USP1: variants seen among roughly 807,000 people sequenced by gnomAD.
The protein encoded by USP1 is ubiquitin specific peptidase 1.
Under a neutral mutation model 72.2 loss-of-function variants are expected in USP1, and 18 were observed. The ratio of observed to expected loss-of-function variants is 0.25; its 90% CI spans 0.17 to 0.37. USP1 has a LOEUF of 0.37. Among genes scored for constraint, USP1 ranks in the 10% least tolerant of loss-of-function variants. USP1 has a pLI of 1.00. For missense variants in USP1, 759 were observed against 884.9 expected (o/e 0.86, Z 1.81); for synonymous variants, 354 against 303.7 (o/e 1.17, Z -1.72).
chr1:62,446,798 C>CT (rs1244361324), intron 6 of USP1, among the ~76,000 whole-genome samples: 3 of 151,798 alleles, frequency 2.0e-5, no homozygotes, highest in Admixed American at 1.3e-4. Flanking sequence ...ATACAACTGA[C>CT]TTTTTTTTAT....
At chr1:62,440,729 A>G (rs753403042) in intron 2 of USP1, among the ~76,000 whole-genome samples, 4 of 152,218 alleles carry the variant, frequency 2.6e-5, no homozygotes, top group Non-Finnish European at 4.4e-5. Flanking sequence ...ATCAGCATTC[A>G]TACTTCTGAA....
chr1:62,440,050 C>T lies in USP1; in HGVS notation c.170+13C>T, dbSNP rs1645121769. On this transcript the variant is annotated intron_variant, in intron 2 of 8. Transcript: ENST00000339950. ...GAGCATCTGAAATGTATGTATCTTA[C>T]ATTTCTGTACTTTAAAAATTCTACA... is the stretch of plus-strand genomic sequence containing the variant. 5 of 1,422,978 alleles carry T rather than the reference C, an allele frequency of 3.5e-6. No individual in the cohort carries two copies. The highest frequency in any genetic ancestry group is 2.8e-5 in the Admixed American group (1 of 35,906). The allele number at this position is 1,422,978 out of a possible 1,614,324, so 88.1% of individuals were successfully genotyped here.
In USP1 at chr1:62,442,244, A is replaced by T; in HGVS notation, c.341A>T (p.Asn114Ile). The change falls in exon 4 of 9, where the codon AAT (asparagine) becomes ATT (isoleucine). Residue 114 changes from asparagine (N) to isoleucine (I), a missense_variant. Coordinates refer to ENST00000339950, the MANE Select transcript of USP1 (RefSeq NM_003368.5). ...AAATCTGGAGTAAAGCACTTATTTA[A>T]TATTATTTCAAGGAAGAAAGAAGCT... The part of the protein sequence containing the change: ...GFKSGVKHLF[N>I]IISRKKEALK... The T allele has an allele frequency of 6.2e-7, 1 of 1,606,492 alleles. No individual in the cohort carries two copies. The highest frequency in any genetic ancestry group is 8.5e-7 in the Non-Finnish European group (1 of 1,174,956).
At position 62,439,947 on chromosome 1, in the gene USP1, T is replaced by G; in HGVS notation, c.80T>G (p.Phe27Cys). The G allele has an allele frequency of 1.3e-6, 2 of 1,567,462 alleles. No individual in the cohort carries two copies. Among genetic ancestry groups the G allele is most frequent in the South Asian group, 1.2e-5 (1 of 81,788 alleles). The change falls in exon 2 of 9, where the codon TTT becomes TGT. Residue 27 changes from phenylalanine (F) to cysteine (C), a missense_variant. Coordinates refer to ENST00000339950, the MANE Select transcript of USP1 (RefSeq NM_003368.5). ...AAGAAAAACAGACTTTCCTTAAAGT[T>G]TTTTCAGAAAAAGGAAACTAAGAGA... ...PSKKNRLSLK[F>C]FQKKETKRAL...
In USP1 at chr1:62,451,018, C is replaced by T; in HGVS notation, c.*37C>T. The T allele has an allele frequency of 2.7e-6, 4 of 1,494,132 alleles. No homozygotes were observed. The highest frequency in any genetic ancestry group is 2.7e-6 in the Non-Finnish European group (3 of 1,125,302). 92.6% of individuals were successfully genotyped at this position (1,494,132 alleles called of 1,614,324 possible). A position where few individuals can be genotyped will look rare whatever the true frequency, so the allele number is the denominator to read the frequency against. ...TTTCCTTGTGTATATATTAAACACA[C>T]CCATACAAACATTGGTAAAGTTGAT... On this transcript the variant is annotated 3_prime_UTR_variant, in exon 9 of 9. Coordinates refer to ENST00000339950, the MANE Select transcript of USP1 (RefSeq NM_003368.5).
Position 62,445,524 on chromosome 1 carries a change from G to A in USP1, c.1249+95G>A, listed in dbSNP as rs1048006350. On this transcript the variant is annotated intron_variant, in intron 6 of 8. Transcript: ENST00000339950. The stretch of plus-strand genomic sequence containing the variant: ...AGATACATGTACAATATAATCTCTG[G>A]CTAAAATTGTTTCAAGAGAAGGAAA... 1.4e-5 allele frequency: 17 copies of A among 1,189,168 alleles called. No individual in the cohort carries two copies. The African/African-American group carries it at 2.2e-4, about 15-fold the overall frequency. The allele number at this position is 1,189,168 out of a possible 1,614,324, so 73.7% of individuals were successfully genotyped here. A position where few individuals can be genotyped will look rare whatever the true frequency, so the allele number is the denominator to read the frequency against.
Position 62,437,112 on chromosome 1 carries a change from C to A in USP1, c.-358C>A. 2.5e-6 allele frequency: 1 copy of A among 399,118 alleles called. No homozygotes were observed. 24.7% of individuals were successfully genotyped at this position (399,118 alleles called of 1,614,324 possible). Reference sequence around the variant, plus strand: ...AGACCCTAGCGGTTCAGGCGTTCGGCGAGCGGGGCCGCTGCTTGTTGCGCT... The same window carrying A: ...AGACCCTAGCGGTTCAGGCGTTCGGAGAGCGGGGCCGCTGCTTGTTGCGCT... On this transcript the variant is annotated 5_prime_UTR_variant, in exon 1 of 9. Coordinates refer to ENST00000339950, the MANE Select transcript of USP1 (RefSeq NM_003368.5).
chr1:62,448,008 A>C (rs367936850), intron 7 of USP1, among the ~76,000 whole-genome samples: 3 of 152,006 alleles, frequency 2.0e-5, no homozygotes, highest in Non-Finnish European at 2.9e-5. Flanking sequence ...GGATGGTCTC[A>C]ATCTCCTGAC....
intron 4 of USP1, 94 bp downstream of exon 4, chr1:62,442,393 ATGACAAAGATTATTTCTC>A: frequency 1.2e-6 from 1 of 856,022 alleles, no homozygotes; most frequent in South Asian, 1.8e-5. Flanking sequence ...GGGGGGGTGG[ATGACAAAGATTATTTCTC>A]TGTTAGCGAG....
chr1:62,444,641 A>T (rs74076653), intron 5 of USP1, 97 bp from the exon 6 acceptor site: 12,285 of 1,002,254 alleles, frequency 0.012, 507 homozygotes, highest in African/African-American at 0.11. Context: ...AAAATGAAAT[A>T]ATTTATGATT....
At chr1:62,445,988 A>C (rs71643630) in intron 6 of USP1, among the ~76,000 whole-genome samples, 5 of 152,092 alleles carry the variant, frequency 3.3e-5, no homozygotes, top group Non-Finnish European at 4.4e-5. Context: ...TCAAAAAAAA[A>C]CAAATAATAA....
At chr1:62,443,699 G>T (rs1645149385) in intron 5 of USP1, among the ~76,000 whole-genome samples, 1 of 152,060 alleles carries the variant, frequency 6.6e-6, no homozygotes, top group South Asian at 2.1e-4. Context: ...TAAATGCGTG[G>T]TCCTAAGGAT....
Position 62,439,825 on chromosome 1 carries a change from C to T in USP1, c.-43C>T, listed in dbSNP as rs770128837. The T allele has an allele frequency of 7.5e-7, 1 of 1,334,144 alleles. No homozygotes were observed. The highest frequency in any genetic ancestry group is 9.7e-7 in the Non-Finnish European group (1 of 1,031,474). The allele number at this position is 1,334,144 out of a possible 1,614,324, so 82.6% of individuals were successfully genotyped here. A position where few individuals can be genotyped will look rare whatever the true frequency, so the allele number is the denominator to read the frequency against. ...TATAATTGGTGATTACAACTTTCCT[C>T]TATAAATTAACTCTTGACACTCCTT... On this transcript the variant is annotated 5_prime_UTR_variant, in exon 2 of 9. Coordinates refer to ENST00000339950, the MANE Select transcript of USP1 (RefSeq NM_003368.5).
intron 7 of USP1, among the ~76,000 whole-genome samples, chr1:62,447,906 C>T (rs1645186777): frequency 6.6e-6 from 1 of 152,108 alleles, no homozygotes; most frequent in African/African-American, 2.4e-5. Context: ...CCTGCCTCAG[C>T]CTCCTGAGTA....
In USP1 at chr1:62,439,909, A is replaced by G. The variant is rs150156249; in HGVS notation, c.42A>G (p.Arg14=). ...VIPSESNGLS[R]GSPSKKNRLS... ...CTAGTGAAAGTAATGGACTTTCAAGAGGTAGCCCTTCAAAGAAAAACAGAC... is the reference window on the plus strand; with the variant it reads ...CTAGTGAAAGTAATGGACTTTCAAGGGGTAGCCCTTCAAAGAAAAACAGAC... The change falls in exon 2 of 9, where the codon AGA becomes AGG. Residue 14 remains arginine (R), a synonymous_variant. Coordinates refer to ENST00000339950, the MANE Select transcript of USP1 (RefSeq NM_003368.5). 1.9e-4 allele frequency: 303 copies of G among 1,555,492 alleles called. 1 individual carries two copies. Among genetic ancestry groups the G allele is most frequent in the Non-Finnish European group, 2.4e-4 (281 of 1,156,754 alleles).
Position 62,450,910 on chromosome 1 carries a change from T to C in USP1, c.2287T>C (p.Phe763Leu). The C allele has an allele frequency of 6.2e-7, 1 of 1,613,654 alleles. No individual in the cohort carries two copies. The highest frequency in any genetic ancestry group is 8.5e-7 in the Non-Finnish European group (1 of 1,179,858). Residue 763 changes from phenylalanine (F) to leucine (L), a missense_variant, in exon 9 of 9, where the codon TTT (phenylalanine) becomes CTT (leucine). Transcript: ENST00000339950. ...AGTCAAAGTTACTGAAGAGAAGGAC[T>C]TTCTGAATTCTCTTTCCCCTTCTAC... ...SEVKVTEEKD[F>L]LNSLSPSTSP... is the part of the protein sequence containing the mutation.
Position 62,444,865 on chromosome 1 carries a change from T to G in USP1, c.685T>G (p.Leu229Val). The change falls in exon 6 of 9, where the codon TTA becomes GTA. Residue 229 changes from leucine (L) to valine (V), a missense_variant. Leu to Val is a conservative substitution (Grantham distance 32, BLOSUM62 1). Around this residue, in one of 9 missense-constraint regions of USP1, gnomAD observed 245 missense variants for 240.7 expected, o/e 1.02. Transcript: ENST00000339950. ...AGAAGAAGTAAAAAATGTGGCAGAA[T>G]TACCTACTAAGGTAGAAGAAATACC... ...KKEEVKNVAELPTKVEEIPHP... is the reference protein window; with the variant it reads ...KKEEVKNVAEVPTKVEEIPHP... The G allele has an allele frequency of 6.2e-7, 1 of 1,613,406 alleles. No homozygotes were observed. The highest frequency in any genetic ancestry group is 1.7e-5 in the Admixed American group (1 of 59,934).
upstream of USP1, chr1:62,437,045 T>C: frequency 2.5e-6 from 1 of 398,608 alleles, no homozygotes. Flanking sequence ...GTCCTGAGAC[T>C]GAGGAAAACG....
At chr1:62,437,846 C>T (rs1255899474) in intron 1 of USP1, among the ~76,000 whole-genome samples, 1 of 152,234 alleles carries the variant, frequency 6.6e-6, no homozygotes, top group Non-Finnish European at 1.5e-5. Flanking sequence ...GTTTAGAACG[C>T]CGCGTGTCTT....
Sources: gnomAD v4.1 joint callset for allele counts (sites outside exome capture counted in the v4.1 genomes callset) on GRCh38, gnomAD v4.1.1 for gene constraint, gnomAD v4.1.1 regional missense constraint, MANE v1.5 for transcripts, NCBI Gene and HGNC (gene_info 2026-07-23, HGNC 2026-07-21) for gene names.